PDE3A: variants seen among roughly 807,000 people sequenced by gnomAD.
PDE3A encodes the protein cGMP-inhibited 3',5'-cyclic phosphodiesterase 3A.
PDE3A carries 43 observed loss-of-function variants against 98.3 expected under a neutral mutation model. The ratio of observed to expected loss-of-function variants is 0.44; its 90% CI spans 0.34 to 0.56. The LOEUF (loss-of-function observed/expected upper bound fraction) is 0.56, where lower values mean the gene tolerates loss of function less well. PDE3A is among the 20% of genes least tolerant of loss of function. The pLI, the probability that PDE3A is intolerant of heterozygous loss-of-function variation, is 0.01. For missense variants in PDE3A, 1,427 were observed against 1,440.7 expected, an observed-to-expected ratio of 0.99 and a Z score of 0.15; for synonymous variants, 663 against 567.9, an observed-to-expected ratio of 1.17 and a Z score of -2.38.
intron 2 of PDE3A, among the ~76,000 whole-genome samples, chr12:20,565,109 A>G (rs998510423): frequency 1.3e-5 from 2 of 152,108 alleles, no homozygotes; most frequent in Admixed American, 6.6e-5. Flanking sequence ...CTTTTCTTAT[A>G]TTCTTTCCCC....
rs1946597819 is a variant in PDE3A, at chr12:20,530,147, T to C, written c.961-26513T>C. Among the ~76,000 whole-genome samples the C allele has an allele frequency of 2.0e-5, 3 of 152,322 alleles. No homozygotes were observed. In the South Asian group the frequency reaches 6.2e-4, roughly 32 times the overall value. On this transcript the variant is annotated intron_variant, in intron 1 of 15. Coordinates refer to ENST00000359062, the MANE Select transcript of PDE3A (RefSeq NM_000921.5). Reference sequence around the variant, plus strand: ...TGAGGAGACGAAAGTTATTCGATCATTTCTTTCACTTCCCACAGTTGGTTA... The same window carrying C: ...TGAGGAGACGAAAGTTATTCGATCACTTCTTTCACTTCCCACAGTTGGTTA...
chr12:20,422,719 G>C (rs1196934921), intron 1 of PDE3A, among the ~76,000 whole-genome samples: 3 of 152,136 alleles, frequency 2.0e-5, no homozygotes, highest in South Asian at 4.1e-4. Context: ...CAAGAAAATA[G>C]GCAAATTTTG....
chr12:20,495,699 G>A (rs1818964509), intron 1 of PDE3A, among the ~76,000 whole-genome samples: 1 of 152,106 alleles, frequency 6.6e-6, no homozygotes, highest in African/African-American at 2.4e-5. Context: ...TCAAGTTGCA[G>A]AACATCTCTT....
At chr12:20,480,886 C>G (rs555254844) in intron 1 of PDE3A, among the ~76,000 whole-genome samples, 1 of 152,276 alleles carries the variant, frequency 6.6e-6, no homozygotes, top group African/African-American at 2.4e-5. Context: ...TGAAATGAAA[C>G]CATAGGAGAA....
In PDE3A at chr12:20,680,826, C is replaced by CTG. The variant is rs3059415; in HGVS notation, c.*598_*599dup. 20,184 of 137,782 alleles carry CTG rather than the reference C, an allele frequency of 0.15. 1,368 individuals are homozygous for CTG. The highest frequency in any genetic ancestry group is 0.16 in the Non-Finnish European group (10,090 of 64,924). 8.5% of individuals were successfully genotyped at this position (137,782 alleles called of 1,614,324 possible). A position where few individuals can be genotyped will look rare whatever the true frequency, so the allele number is the denominator to read the frequency against. The stretch of plus-strand genomic sequence containing the variant: ...TGAATTCTGATACATCCTGCCAACA[C>CTG]TGTGTGTGTGTGTGTGTGTGTGTGT... On this transcript the variant is annotated 3_prime_UTR_variant, in exon 16 of 16. Transcript: ENST00000359062.
intron 1 of PDE3A, among the ~76,000 whole-genome samples, chr12:20,398,099 G>A (rs1169757468): frequency 6.9e-6 from 1 of 145,726 alleles, no homozygotes; most frequent in Non-Finnish European, 1.5e-5. Context: ...TCAGTCTAAC[G>A]TTTTCTGGCT....
intron 15 of PDE3A, among the ~76,000 whole-genome samples, chr12:20,664,219 T>C (rs1945251997): frequency 6.6e-6 from 1 of 152,210 alleles, no homozygotes; most frequent in African/African-American, 2.4e-5. Flanking sequence ...TTACCCAGTC[T>C]TGAGCAGTTT....
rs1453615922 is a variant in PDE3A at position 20,369,312 on chromosome 12, G to A, written c.28G>A (p.Val10Ile). The change falls in exon 1 of 16, where the codon GTC becomes ATC. Residue 10 changes from valine (V) to isoleucine (I), a missense_variant. Val to Ile is a conservative substitution (Grantham distance 29, BLOSUM62 3). Coordinates refer to ENST00000359062, the MANE Select transcript of PDE3A (RefSeq NM_000921.5). The stretch of plus-strand genomic sequence containing the variant: ...GGCAGTGCCCGGCGACGCTGCACGA[G>A]TCAGGGACAAGCCCGTCCACAGTGG... MAVPGDAARVRDKPVHSGVS... is the reference protein window; with the variant it reads MAVPGDAARIRDKPVHSGVS... The A allele has an allele frequency of 3.2e-6, 5 of 1,542,200 alleles. No individual in the cohort carries two copies. The highest frequency in any genetic ancestry group is 1.4e-5 in the African/African-American group (1 of 72,840).
intron 2 of PDE3A, among the ~76,000 whole-genome samples, chr12:20,603,027 ACG>A (rs1322148287): frequency 1.3e-5 from 2 of 152,192 alleles, no homozygotes; most frequent in Non-Finnish European, 2.9e-5. Flanking sequence ...TCCTAGTATC[ACG>A]GACAGCCTCC....
At position 20,368,554 on chromosome 12, in the gene PDE3A, GCTCT is replaced by G. The variant is rs951343685; in HGVS notation, c.-725_-722del. ...CGGCTGCCGCTAGTCTCTCGGTCTGGCTCTCTCTCCGACGGGACTTAGCAACTTC... is the reference window on the plus strand; with the variant it reads ...CGGCTGCCGCTAGTCTCTCGGTCTGGCTCTCCGACGGGACTTAGCAACTTC... On this transcript the variant is annotated 5_prime_UTR_variant, in exon 1 of 16. Coordinates refer to ENST00000359062, the MANE Select transcript of PDE3A (RefSeq NM_000921.5). Among the ~76,000 whole-genome samples, 3 of 150,426 alleles carry G rather than the reference GCTCT, an allele frequency of 2.0e-5. No homozygotes were observed. Among genetic ancestry groups the G allele is most frequent in the African/African-American group, 7.3e-5 (3 of 40,952 alleles).
intron 2 of PDE3A, among the ~76,000 whole-genome samples, chr12:20,589,692 C>T (rs1943282092): frequency 6.6e-6 from 1 of 151,494 alleles, no homozygotes; most frequent in African/African-American, 2.4e-5. Flanking sequence ...CACGGTGAAA[C>T]CCCATCTCCA....
intron 4 of PDE3A, 118 bp from the exon 5 acceptor site, chr12:20,621,178 A>G: frequency 3.1e-6 from 2 of 647,008 alleles, no homozygotes; most frequent in East Asian, 2.7e-5. Context: ...ACCTGAACCA[A>G]TACTCAGATT....
intron 2 of PDE3A, among the ~76,000 whole-genome samples, chr12:20,581,243 AACTT>A (rs2121343027): frequency 6.6e-6 from 1 of 152,338 alleles, no homozygotes; most frequent in African/African-American, 2.4e-5. Flanking sequence ...AGCGGGTAAA[AACTT>A]AATGCCAAAC....
chr12:20,540,332 G>A (rs1397459431), intron 1 of PDE3A, among the ~76,000 whole-genome samples: 1 of 152,090 alleles, frequency 6.6e-6, no homozygotes, highest in East Asian at 1.9e-4. Context: ...AATTTAGTTA[G>A]AATAACAATA....
At chr12:20,604,222 A>G (rs1035946412) in intron 2 of PDE3A, among the ~76,000 whole-genome samples, 5 of 144,952 alleles carry the variant, frequency 3.4e-5, no homozygotes, top group South Asian at 4.9e-4. Flanking sequence ...GGAGGGGAGG[A>G]GAGGGGAGGG....
intron 6 of PDE3A, among the ~76,000 whole-genome samples, chr12:20,631,700 ATTTTT>A (rs58133440): frequency 8.6e-6 from 1 of 116,876 alleles, no homozygotes; most frequent in African/African-American, 3.0e-5. Flanking sequence ...ATCATAGTGT[ATTTTT>A]TTTTTTTTTT....
intron 1 of PDE3A, among the ~76,000 whole-genome samples, chr12:20,467,840 C>T (rs1945366032): frequency 6.8e-6 from 1 of 146,244 alleles, no homozygotes; most frequent in African/African-American, 2.5e-5. Context: ...GAGGCTGAGG[C>T]AGAAGAATCA....
intron 2 of PDE3A, among the ~76,000 whole-genome samples, chr12:20,581,414 C>G (rs1182124454): frequency 6.6e-6 from 1 of 152,120 alleles, no homozygotes; most frequent in Middle Eastern, 3.2e-3. Context: ...TTGTAAGGAA[C>G]TAAGACAGAG....
chr12:20,370,175 C>G lies in PDE3A; in HGVS notation c.891C>G (p.Ser297=). 1.2e-6 allele frequency: 2 copies of G among 1,611,758 alleles called. No homozygotes were observed. Among genetic ancestry groups the G allele is most frequent in the Non-Finnish European group, 1.7e-6 (2 of 1,179,182 alleles). ...KRRRRSSSVV[S]AEMSGCSSKS... is the part of the protein sequence containing the mutation. ...GGAGGCGGTCCAGCTCCGTCGTGTC[C>G]GCCGAGATGTCCGGCTGCAGCAGCA... The change falls in exon 1 of 16, where the codon TCC becomes TCG. Residue 297 remains serine (S), a synonymous_variant. Transcript: ENST00000359062.
Sources: allele counts gnomAD v4.1 joint callset (sites outside exome capture counted in the v4.1 genomes callset), GRCh38; gene constraint gnomAD v4.1.1; transcripts MANE v1.5; gene names NCBI Gene and HGNC (gene_info 2026-07-23, HGNC 2026-07-21).